Variants in WNK2 observed in about 807,000 individuals in gnomAD.
WNK2 encodes serine/threonine-protein kinase WNK2.
In WNK2, 67 loss-of-function variants were observed where a neutral mutation model predicts 192.1. That is an observed-to-expected ratio of 0.35 (90% CI 0.29 to 0.43). The LOEUF is 0.43. WNK2 is among the 20% of genes least tolerant of loss of function. The pLI is 1.00. For synonymous variants in WNK2, 1,439 were observed against 1,393.9 expected (o/e 1.03, Z -0.72); for missense variants, 2,698 against 3,089.7 (o/e 0.87, Z 3.01).
At chr9:93,319,301 T>A in intron 29 of WNK2, 1 of 1,452,916 alleles carries the variant, frequency 6.9e-7, no homozygotes, top group Non-Finnish European at 9.1e-7. Flanking sequence ...GAGCCAGTTC[T>A]GGGCTCAGCT....
chr9:93,273,711 A>G (rs1846330631), intron 19 of WNK2, among the ~76,000 whole-genome samples: 1 of 152,246 alleles, frequency 6.6e-6, no homozygotes, highest in Non-Finnish European at 1.5e-5. Flanking sequence ...CAAAAACAAT[A>G]CATTTTTCAA....
rs532749160 is a variant in WNK2, at chr9:93,223,860, A to G, written c.682-5836A>G. 2.0e-5 allele frequency among the ~76,000 whole-genome samples: 3 copies of G among 152,316 alleles called. No homozygotes were observed. The South Asian group carries it at 6.2e-4, about 32-fold the overall frequency. On this transcript the variant is annotated intron_variant, in intron 2 of 29. Coordinates refer to ENST00000427277, the MANE Select transcript of WNK2 (RefSeq NM_006648.4). ...CCGGGGGTGGAGGGAACAGAAGGGG[A>G]CACATATATGGTGGAAGTCTCATGC... is the stretch of plus-strand genomic sequence containing the variant.
At chr9:93,252,271 G>C (rs1224232308) in intron 8 of WNK2, among the ~76,000 whole-genome samples, 1 of 152,188 alleles carries the variant, frequency 6.6e-6, no homozygotes, top group Non-Finnish European at 1.5e-5. Flanking sequence ...GACCAGGCCA[G>C]CCTGAGCCAT....
At chr9:93,200,765 G>A (rs1250572197) in intron 2 of WNK2, among the ~76,000 whole-genome samples, 3 of 152,124 alleles carry the variant, frequency 2.0e-5, no homozygotes, top group Admixed American at 1.3e-4. Context: ...CTGTACAGAC[G>A]GCCACCTGCG....
At position 93,268,710 on chromosome 9, in the gene WNK2, C is replaced by G. The variant is rs1564134301; in HGVS notation, c.3997C>G (p.Leu1333Val). ...APEAPESSPP[L>V]PLSSLPPEAS... is the part of the protein sequence containing the mutation. ...CGAGGCCCCTGAATCTTCGCCCCCACTTCCTCTAAGCTCCCTGCCGCCAGA... is the reference window on the plus strand; with the variant it reads ...CGAGGCCCCTGAATCTTCGCCCCCAGTTCCTCTAAGCTCCCTGCCGCCAGA... Residue 1333 changes from leucine (L) to valine (V), a missense_variant, in exon 19 of 30, where the codon CTT (leucine) becomes GTT (valine). This residue lies in a region of WNK2 where 1,098 missense variants were observed against 1,101.0 expected (regional missense o/e 1.00). Coordinates refer to ENST00000427277, the MANE Select transcript of WNK2 (RefSeq NM_006648.4). 2 of 1,613,382 alleles carry G rather than the reference C, an allele frequency of 1.2e-6. No individual in the cohort carries two copies. Among genetic ancestry groups the G allele is most frequent in the East Asian group, 2.2e-5 (1 of 44,856 alleles).
intron 28 of WNK2, among the ~76,000 whole-genome samples, chr9:93,309,724 T>A (rs1314559597): frequency 6.6e-6 from 1 of 152,192 alleles, no homozygotes; most frequent in African/African-American, 2.4e-5. Flanking sequence ...TTTCATTAAT[T>A]TATTTTCTTA....
chr9:93,317,706 C>T, intron 29 of WNK2, 75 bp downstream of exon 29: 1 of 1,547,542 alleles, frequency 6.5e-7, no homozygotes, highest in Non-Finnish European at 8.8e-7. Context: ...GCTCCCAGCT[C>T]CAGTGTCCTG....
intron 7 of WNK2, among the ~76,000 whole-genome samples, chr9:93,244,635 T>G (rs1164899049): frequency 6.6e-6 from 1 of 151,856 alleles, no homozygotes; most frequent in Non-Finnish European, 1.5e-5. Flanking sequence ...TGGGCAAGGG[T>G]GGGGCCACGC....
chr9:93,281,038 C>T (rs563515218), intron 19 of WNK2, among the ~76,000 whole-genome samples: 21 of 152,232 alleles, frequency 1.4e-4, no homozygotes, highest in Admixed American at 2.6e-4. Context: ...TTTGTGGTGG[C>T]TGAAAGCAGA....
intron 27 of WNK2, 153 bp from the exon 28 acceptor site, chr9:93,308,175 C>A: frequency 1.4e-6 from 2 of 1,406,948 alleles, no homozygotes; most frequent in Non-Finnish European, 9.3e-7. Context: ...GGCAGCCAGG[C>A]CCCTTAATCC....
intron 2 of WNK2, among the ~76,000 whole-genome samples, chr9:93,223,735 C>A (rs1052049477): frequency 6.6e-6 from 1 of 152,220 alleles, no homozygotes; most frequent in African/African-American, 2.4e-5. Context: ...TCGACTGGTT[C>A]AAATCTTCCA....
At chr9:93,264,393 G>A (rs1020716428) in intron 16 of WNK2, among the ~76,000 whole-genome samples, 1 of 152,134 alleles carries the variant, frequency 6.6e-6, no homozygotes, top group Admixed American at 6.5e-5. Flanking sequence ...CTTGCTTAGA[G>A]CTTCCTCCAG....
chr9:93,313,626 T>A (rs1854064762), intron 28 of WNK2, among the ~76,000 whole-genome samples: 1 of 152,176 alleles, frequency 6.6e-6, no homozygotes, highest in African/African-American at 2.4e-5. Context: ...TAATTTGCCT[T>A]AGAGCAAATT....
At chr9:93,251,415 C>T (rs923184357) in intron 8 of WNK2, among the ~76,000 whole-genome samples, 20 of 152,128 alleles carry the variant, frequency 1.3e-4, no homozygotes, top group Admixed American at 1.2e-3. Flanking sequence ...CCATGCCCGG[C>T]ACATATTCAC....
intron 19 of WNK2, among the ~76,000 whole-genome samples, chr9:93,273,627 T>C (rs1846321236): frequency 6.6e-6 from 1 of 152,100 alleles, no homozygotes; most frequent in Non-Finnish European, 1.5e-5. Context: ...AGACAGAAAA[T>C]TATCAAGAAT....
At chr9:93,217,436 A>G (rs1835948817) in intron 2 of WNK2, among the ~76,000 whole-genome samples, 1 of 152,070 alleles carries the variant, frequency 6.6e-6, no homozygotes, top group Non-Finnish European at 1.5e-5. Context: ...TCTCCAGAAG[A>G]GTCAGAATGG....
In WNK2 at chr9:93,238,384, A is replaced by G. The variant is rs1057052297; in HGVS notation, c.1322+63A>G. 3 of 1,486,474 alleles carry G rather than the reference A, an allele frequency of 2.0e-6. No individual in the cohort carries two copies. The African/African-American group carries it at 4.2e-5, about 21-fold the overall frequency. 92.1% of individuals were successfully genotyped at this position (1,486,474 alleles called of 1,614,324 possible). Reference sequence around the variant, plus strand: ...TCCAGCTGAACTCATTCCAGCTTGCATTGAGAGCTGTGTTCTTGATGAGGG... The same window carrying G: ...TCCAGCTGAACTCATTCCAGCTTGCGTTGAGAGCTGTGTTCTTGATGAGGG... On this transcript the variant is annotated intron_variant, in intron 6 of 29. Transcript: ENST00000427277.
At position 93,257,027 on chromosome 9, in the gene WNK2, C is replaced by A. The variant is rs762929680; in HGVS notation, c.2270C>A (p.Pro757His). ...GTGGTCCCCCTCCAGCCGGTTCCCC[C>A]CCACCTGCCACCGTACCTGGCTCCA... ...QPVVPLQPVP[P>H]HLPPYLAPAS... The change falls in exon 11 of 30, where the codon CCC becomes CAC. Residue 757 changes from proline to histidine, a missense_variant. Pro to His is a moderately conservative substitution (Grantham distance 77). Coordinates refer to ENST00000427277, the MANE Select transcript of WNK2 (RefSeq NM_006648.4). The surrounding 1 kb of genome is among the most constrained non-coding windows in gnomAD (Gnocchi z 4.7). The A allele has an allele frequency of 6.9e-6, 11 of 1,604,264 alleles. No homozygotes were observed. The highest frequency in any genetic ancestry group is 4.0e-5 in the African/African-American group (3 of 74,628).
chr9:93,267,477 G>C (rs2133184900), intron 16 of WNK2, among the ~76,000 whole-genome samples: 1 of 152,220 alleles, frequency 6.6e-6, no homozygotes, highest in East Asian at 1.9e-4. Context: ...CTCAGGGTCT[G>C]TAACCAGCTC....
Sources: allele counts gnomAD v4.1 joint callset (sites outside exome capture counted in the v4.1 genomes callset), GRCh38; gene constraint gnomAD v4.1.1; regional missense constraint gnomAD v4.1.1; non-coding constraint Gnocchi (gnomAD v3.1); transcripts MANE v1.5; gene names NCBI Gene and HGNC (gene_info 2026-07-23, HGNC 2026-07-21).